Variants in ASB14 observed in about 807,000 individuals in gnomAD.
The protein encoded by ASB14 is ankyrin repeat and SOCS box containing 14.
In ASB14, 63 loss-of-function variants were observed where a neutral mutation model predicts 55.6. That is an observed-to-expected ratio of 1.13 (90% CI 0.92 to 1.40). ASB14 has a LOEUF of 1.40. Among genes scored for constraint, ASB14 ranks in the 40% most tolerant of loss-of-function variants. The pLI, the probability that ASB14 is intolerant of heterozygous loss-of-function variation, is 0.00. For missense variants in ASB14, 724 were observed against 710.4 expected (o/e 1.02, Z -0.22); for synonymous variants, 256 against 259.9 (o/e 0.98, Z 0.15).
At position 57,283,454 on chromosome 3, in the gene ASB14, G is replaced by A; in HGVS notation, c.470-15C>T. 1 of 1,549,156 alleles carries A rather than the reference G, an allele frequency of 6.5e-7. No individual in the cohort carries two copies. The highest frequency in any genetic ancestry group is 1.2e-5 in the South Asian group (1 of 83,960). ...ACGCAGCACAGCTGGGAAATGAGAA[G>A]TGTGGTGGGCATGTTCAACGGGAAG... On this transcript the variant is annotated splice_polypyrimidine_tract_variant and intron_variant, in intron 5 of 10. Transcript: ENST00000487349.
Position 57,280,312 on chromosome 3 carries a change from C to A in ASB14, c.877G>T (p.Gly293Cys), listed in dbSNP as rs1240472227. 6.5e-7 allele frequency: 1 copy of A among 1,545,440 alleles called. No individual in the cohort carries two copies. Among genetic ancestry groups the A allele is most frequent in the African/African-American group, 1.4e-5 (1 of 72,974 alleles). Residue 293 changes from glycine (G) to cysteine (C), a missense_variant, in exon 7 of 11, where the codon GGC (glycine) becomes TGC (cysteine). Gly to Cys is a radical substitution (Grantham distance 159, BLOSUM62 -3). Coordinates refer to ENST00000487349, the MANE Select transcript of ASB14 (RefSeq NM_001142733.3). ...GTAATTGAACTTAACAGTAAGTGGC[C>A]CCTGTCAGCTGCCACATGGATGGGC... ...HLPIHVAADR[G>C]HLLALKILIP...
chr3:57,280,327 C>T lies in ASB14; in HGVS notation c.862G>A (p.Val288Met), dbSNP rs1032525507. The change falls in exon 7 of 11, where the codon GTG (valine) becomes ATG (methionine). Residue 288 changes from valine (V) to methionine (M), a missense_variant. Val to Met is a conservative substitution (Grantham distance 21). Transcript: ENST00000487349. ...AGTAAGTGGCCCCTGTCAGCTGCCA[C>T]ATGGATGGGCAGGTGGCCTGAATTC... is the stretch of plus-strand genomic sequence containing the variant. The part of the protein sequence containing the change: ...PKNSGHLPIH[V>M]AADRGHLLAL... 6.5e-7 allele frequency: 1 copy of T among 1,549,758 alleles called. No individual in the cohort carries two copies. Among genetic ancestry groups the T allele is most frequent in the Non-Finnish European group, 8.7e-7 (1 of 1,145,836 alleles).
intron 10 of ASB14, among the ~76,000 whole-genome samples, chr3:57,275,113 C>G (rs1476523083): frequency 6.6e-6 from 1 of 152,132 alleles, no homozygotes; most frequent in Admixed American, 6.5e-5. Flanking sequence ...GGCCCCTTAT[C>G]GCTGGTTTCC....
intron 7 of ASB14, 121 bp downstream of exon 7, chr3:57,280,181 A>AG: frequency 2.9e-6 from 2 of 688,504 alleles, no homozygotes; most frequent in South Asian, 7.3e-5. Flanking sequence ...AAAAAAAAAA[A>AG]AAAAAGTATG....
chr3:57,276,835 A>G, intron 9 of ASB14, 107 bp from the exon 10 acceptor site: 1 of 1,041,458 alleles, frequency 9.6e-7, no homozygotes, highest in Non-Finnish European at 1.4e-6. Flanking sequence ...CTGTTACTAA[A>G]TGGCAAAGTC....
Position 57,269,527 on chromosome 3 carries a change from G to C in ASB14, c.*114C>G. 1 of 1,604,886 alleles carries C rather than the reference G, an allele frequency of 6.2e-7. No homozygotes were observed. The highest frequency in any genetic ancestry group is 8.5e-7 in the Non-Finnish European group (1 of 1,176,560). ...AGACAAGTAACTTAGTTTCTTTTTT[G>C]TCTTTTCCACTAGGACTTGGAAGAA... is the stretch of plus-strand genomic sequence containing the variant. On this transcript the variant is annotated 3_prime_UTR_variant, in exon 11 of 11. Coordinates refer to ENST00000487349, the MANE Select transcript of ASB14 (RefSeq NM_001142733.3).
At position 57,268,672 on chromosome 3, in the gene ASB14, T is replaced by C; in HGVS notation, c.*969A>G. On this transcript the variant is annotated 3_prime_UTR_variant, in exon 11 of 11. Transcript: ENST00000487349. ...GTTTTTTGATATGATGTTTACATTATAGTTACGTTGACATGTAATATGACT... is the reference window on the plus strand; with the variant it reads ...GTTTTTTGATATGATGTTTACATTACAGTTACGTTGACATGTAATATGACT... The C allele has an allele frequency of 8.4e-6, 4 of 476,098 alleles. No homozygotes were observed. The highest frequency in any genetic ancestry group is 1.3e-5 in the Non-Finnish European group (4 of 297,534). 29.5% of individuals were successfully genotyped at this position (476,098 alleles called of 1,614,324 possible).
At chr3:57,285,800 T>A (rs1351156488) in intron 5 of ASB14, among the ~76,000 whole-genome samples, 1 of 152,126 alleles carries the variant, frequency 6.6e-6, no homozygotes, top group Non-Finnish European at 1.5e-5. Context: ...CCTGTTCCAA[T>A]CTGGACCTCA....
In ASB14 at chr3:57,269,508, G is replaced by A. The variant is rs761185785; in HGVS notation, c.*133C>T. 4 of 1,609,228 alleles carry A rather than the reference G, an allele frequency of 2.5e-6. No individual in the cohort carries two copies. Among genetic ancestry groups the A allele is most frequent in the Admixed American group, 3.4e-5 (2 of 59,356 alleles). ...TAATTTGCCATTTGACTGCAGACAAGTAACTTAGTTTCTTTTTTGTCTTTT... is the reference window on the plus strand; with the variant it reads ...TAATTTGCCATTTGACTGCAGACAAATAACTTAGTTTCTTTTTTGTCTTTT... On this transcript the variant is annotated 3_prime_UTR_variant, in exon 11 of 11. Transcript: ENST00000487349.
chr3:57,279,543 A>C (rs1457937608), intron 7 of ASB14, among the ~76,000 whole-genome samples: 1 of 151,992 alleles, frequency 6.6e-6, no homozygotes, highest in Non-Finnish European at 1.5e-5. Flanking sequence ...TACTAAAAAT[A>C]CAAAAATTAG....
At chr3:57,270,961 GTAATCACTTT>G (rs1429820198) in intron 10 of ASB14, 2 of 151,828 alleles carry the variant, frequency 1.3e-5, no homozygotes, top group African/African-American at 4.8e-5. Flanking sequence ...TTTTTTTTCT[GTAATCACTTT>G]TAACACTGCT....
intron 2 of ASB14, among the ~76,000 whole-genome samples, chr3:57,291,618 T>C (rs1203540520): frequency 6.6e-6 from 1 of 151,710 alleles, no homozygotes; most frequent in Non-Finnish European, 1.5e-5. Flanking sequence ...CAAGATGTAT[T>C]AGTTTTTCTC....
chr3:57,278,878 A>T lies in ASB14; in HGVS notation c.930T>A (p.Ile310=), dbSNP rs1297739166. The T allele has an allele frequency of 1.2e-6, 2 of 1,613,648 alleles. No homozygotes were observed. Among genetic ancestry groups the T allele is most frequent in the Middle Eastern group, 1.6e-4 (1 of 6,066 alleles). The change falls in exon 8 of 11, where the codon ATT becomes ATA. Residue 310 remains isoleucine, a synonymous_variant. Transcript: ENST00000487349. ...ILIPVTDLAA[I]KQSGISPVHC... Reference sequence around the variant, plus strand: ...GAACTGGACTGATCCCACTCTGCTTAATGGCAGCAAGATCCGTAACTGGAA... The same window carrying T: ...GAACTGGACTGATCCCACTCTGCTTTATGGCAGCAAGATCCGTAACTGGAA...
chr3:57,277,664 C>A (rs1386390107), intron 9 of ASB14, 103 bp downstream of exon 9: 2 of 1,068,868 alleles, frequency 1.9e-6, no homozygotes, highest in Non-Finnish European at 2.7e-6. Flanking sequence ...TGGTTTAAGT[C>A]AAGCTTTTAA....
chr3:57,279,006 A>G, intron 7 of ASB14, 86 bp from the exon 8 acceptor site: 3 of 1,285,216 alleles, frequency 2.3e-6, no homozygotes, highest in Non-Finnish European at 3.2e-6. Context: ...GCAATACTAG[A>G]TAGTATCAGT....
chr3:57,291,217 G>C (rs1217772816), intron 2 of ASB14, among the ~76,000 whole-genome samples: 1 of 151,478 alleles, frequency 6.6e-6, no homozygotes, highest in Non-Finnish European at 1.5e-5. Flanking sequence ...AAATCTCTTG[G>C]GGTTAAAAGA....
intron 10 of ASB14, chr3:57,270,853 TAGTAG>T (rs1226912289): frequency 1.3e-5 from 2 of 152,302 alleles, no homozygotes; most frequent in South Asian, 2.1e-4. Context: ...ATTGAATGCC[TAGTAG>T]AGTATAGGAG....
chr3:57,273,779 C>T (rs752788906), intron 10 of ASB14, among the ~76,000 whole-genome samples: 29 of 152,142 alleles, frequency 1.9e-4, no homozygotes, highest in Admixed American at 5.9e-4. Flanking sequence ...GTGCATACCA[C>T]AGTATAGCTT....
intron 7 of ASB14, among the ~76,000 whole-genome samples, chr3:57,279,527 C>T (rs1167417403): frequency 6.6e-6 from 1 of 151,814 alleles, no homozygotes; most frequent in Non-Finnish European, 1.5e-5. Flanking sequence ...GGTGAAACCC[C>T]ATCTCTACTA....
Sources: gnomAD v4.1 joint callset for allele counts (sites outside exome capture counted in the v4.1 genomes callset) on GRCh38, gnomAD v4.1.1 for gene constraint, MANE v1.5 for transcripts, NCBI Gene and HGNC (gene_info 2026-07-23, HGNC 2026-07-21) for gene names.